The following NBEA variants were observed in gnomAD, a reference collection of about 807,000 sequenced individuals.
NBEA encodes the protein lysosomal-trafficking regulator 2.
Under a neutral mutation model 343.4 loss-of-function variants are expected in NBEA, and 44 were observed. The observed-to-expected ratio is 0.13, with a 90% confidence interval of 0.10 to 0.16. NBEA has a LOEUF of 0.16. Among genes scored for constraint, NBEA ranks in the 10% least tolerant of loss-of-function variants. The pLI, the probability that NBEA is intolerant of heterozygous loss-of-function variation, is 1.00. For synonymous variants in NBEA, 1,175 were observed against 1,238.7 expected, an observed-to-expected ratio of 0.95 and a Z score of 1.08; for missense variants, 2,555 against 3,631.3, an observed-to-expected ratio of 0.70 and a Z score of 7.62.
intron 1 of NBEA, among the ~76,000 whole-genome samples, chr13:35,008,045 T>A (rs903896702): frequency 6.6e-6 from 1 of 152,218 alleles, no homozygotes. Flanking sequence ...AGATTACTTT[T>A]GATTTACGCT....
At chr13:35,153,072 C>T (rs1161321575) in intron 18 of NBEA, among the ~76,000 whole-genome samples, 1 of 139,432 alleles carries the variant, frequency 7.2e-6, no homozygotes, top group African/African-American at 2.7e-5. Context: ...GAGTCTCACT[C>T]TGTCGCCCAG....
chr13:35,302,407 A>G (rs1312201625), intron 35 of NBEA, among the ~76,000 whole-genome samples: 1 of 152,216 alleles, frequency 6.6e-6, no homozygotes, highest in Non-Finnish European at 1.5e-5. Flanking sequence ...TCATGTAGTT[A>G]ACAGACATTG....
chr13:34,964,433 A>G (rs1566097437), intron 1 of NBEA, among the ~76,000 whole-genome samples: 2 of 151,472 alleles, frequency 1.3e-5, no homozygotes, highest in Non-Finnish European at 2.9e-5. Context: ...ATTTTTTCTC[A>G]TAGCTCTACA....
chr13:35,298,205 GTGTGTGTATATATATATA>G (rs1733647459), intron 35 of NBEA, among the ~76,000 whole-genome samples: 2 of 14,542 alleles, frequency 1.4e-4, no homozygotes, highest in South Asian at 3.8e-3. Flanking sequence ...GTGTGTGTGT[GTGTGTGTATATATATATA>G]TATATATATA....
At chr13:35,369,662 T>G (rs1249057607) in intron 38 of NBEA, among the ~76,000 whole-genome samples, 1 of 152,024 alleles carries the variant, frequency 6.6e-6, no homozygotes, top group African/African-American at 2.4e-5. Flanking sequence ...TAGTTCATCA[T>G]TCCTGTATAT....
At chr13:35,165,247 T>C (rs1036255456) in intron 24 of NBEA, 1 of 416,566 alleles carries the variant, frequency 2.4e-6, no homozygotes, top group Admixed American at 3.0e-5. Flanking sequence ...AAGCTTTTTC[T>C]ACATGACTCT....
intron 34 of NBEA, among the ~76,000 whole-genome samples, chr13:35,274,034 A>T (rs573988461): frequency 4.0e-4 from 61 of 152,338 alleles, no homozygotes; most frequent in African/African-American, 1.4e-3. Context: ...CATCAACCTG[A>T]TACCAAAGCC....
chr13:35,249,240 G>C (rs957023150), intron 34 of NBEA, among the ~76,000 whole-genome samples: 1 of 150,808 alleles, frequency 6.6e-6, no homozygotes, highest in East Asian at 1.9e-4. Flanking sequence ...AGAAATATAG[G>C]CAACAAGTAA....
chr13:35,566,291 G>A (rs2080133086), intron 44 of NBEA, among the ~76,000 whole-genome samples: 1 of 152,266 alleles, frequency 6.6e-6, no homozygotes, highest in Non-Finnish European at 1.5e-5. Context: ...AACCCGGGAG[G>A]CAGAGGTTGC....
At chr13:35,501,932 C>T (rs1203538621) in intron 41 of NBEA, among the ~76,000 whole-genome samples, 1 of 152,064 alleles carries the variant, frequency 6.6e-6, no homozygotes, top group Non-Finnish European at 1.5e-5. Context: ...TGTGTGCATA[C>T]ATGTGTATAT....
At chr13:35,567,766 A>C (rs2080203442) in intron 45 of NBEA, among the ~76,000 whole-genome samples, 1 of 152,196 alleles carries the variant, frequency 6.6e-6, no homozygotes, top group Non-Finnish European at 1.5e-5. Flanking sequence ...GAAAGTTGAA[A>C]GGTATTTGTG....
rs12876799 is a variant in NBEA at position 35,086,644 on chromosome 13, T to C, written c.1572-11653T>C. Among the ~76,000 whole-genome samples, 499 of 152,104 alleles carry C rather than the reference T, an allele frequency of 3.3e-3. 6 individuals carry two copies. Among genetic ancestry groups the C allele is most frequent in the Non-Finnish European group, 4.8e-3 (323 of 67,942 alleles). ...TGTGAGTGCGTGTATCACTTTGATA[T>C]ACAGATTTCCTTTCCTTTGGATAAA... is the stretch of plus-strand genomic sequence containing the variant. On this transcript the variant is annotated intron_variant, in intron 10 of 58. Transcript: ENST00000379939.
chr13:35,308,566 GTATATATA>G lies in NBEA; in HGVS notation c.5839-960_5839-953del, dbSNP rs746850631. ...TATATATATGTATATATGTATATAT[GTATATATA>G]TGTATATATGTATATATGTATATAT... On this transcript the variant is annotated intron_variant, in intron 35 of 58. Coordinates refer to ENST00000379939, the MANE Select transcript of NBEA (RefSeq NM_001385012.1). Among the ~76,000 whole-genome samples, 57 of 49,486 alleles carry G rather than the reference GTATATATA, an allele frequency of 1.2e-3. 1 individual carries two copies. Among genetic ancestry groups the G allele is most frequent in the Non-Finnish European group, 1.9e-3 (49 of 25,958 alleles). 32.5% of individuals were successfully genotyped at this position (49,486 alleles called of 152,430 possible).
chr13:35,475,089 C>G (rs968939439), intron 41 of NBEA: 1 of 1,613,828 alleles, frequency 6.2e-7, no homozygotes, highest in Non-Finnish European at 8.5e-7. Context: ...TCGGGTTGGT[C>G]AGGATCTCTC....
chr13:35,030,748 C>A (rs985946621), intron 1 of NBEA, among the ~76,000 whole-genome samples: 12 of 151,628 alleles, frequency 7.9e-5, no homozygotes, highest in African/African-American at 2.7e-4. Flanking sequence ...GGTTATAAAA[C>A]CATCTCACTG....
chr13:35,425,568 T>A (rs1167540172), intron 38 of NBEA, among the ~76,000 whole-genome samples: 1 of 152,226 alleles, frequency 6.6e-6, no homozygotes, highest in Non-Finnish European at 1.5e-5. Context: ...TACTTCCAAC[T>A]ATGTGATCAA....
chr13:35,052,108 C>G (rs551246534), intron 6 of NBEA, among the ~76,000 whole-genome samples: 1 of 152,084 alleles, frequency 6.6e-6, no homozygotes, highest in South Asian at 2.1e-4. Flanking sequence ...TTTAAAAAGT[C>G]TTTTGTGAAG....
At chr13:35,109,200 G>A (rs2066065909) in intron 11 of NBEA, 90 bp from the exon 12 acceptor site, 1 of 1,189,014 alleles carries the variant, frequency 8.4e-7, no homozygotes. Flanking sequence ...GATAGCATAT[G>A]AAAAATTCAT....
intron 39 of NBEA, among the ~76,000 whole-genome samples, chr13:35,435,551 TG>T (rs565513344): frequency 4.0e-5 from 6 of 148,396 alleles, no homozygotes; most frequent in South Asian, 2.2e-4. Flanking sequence ...AGGAGTGGGG[TG>T]GGGGGGGCGT....
Sources: gnomAD v4.1 joint callset for allele counts (sites outside exome capture counted in the v4.1 genomes callset) on GRCh38, gnomAD v4.1.1 for gene constraint, MANE v1.5 for transcripts, NCBI Gene and HGNC (gene_info 2026-07-23, HGNC 2026-07-21) for gene names.